Variants in NDST3 observed in about 807,000 individuals in gnomAD.
NDST3 encodes N-deacetylase and N-sulfotransferase 3.
Under a neutral mutation model 96.1 loss-of-function variants are expected in NDST3, and 58 were observed. The observed-to-expected ratio is 0.60, with a 90% CI of 0.49 to 0.75. The LOEUF is 0.75. Among genes scored for constraint, NDST3 ranks in the 30% least tolerant of loss-of-function variants. NDST3 has a pLI of 0.00. For synonymous variants in NDST3, 333 were observed against 359.7 expected (o/e 0.93, Z 0.84); for missense variants, 788 against 1,034.2 (o/e 0.76, Z 3.27).
At chr4:118,190,274 A>C (rs886894005) in intron 6 of NDST3, among the ~76,000 whole-genome samples, 17 of 152,286 alleles carry the variant, frequency 1.1e-4, no homozygotes, top group African/African-American at 3.6e-4. Flanking sequence ...AAGATGGTTC[A>C]AGTTATTGTT....
intron 2 of NDST3, among the ~76,000 whole-genome samples, chr4:118,090,323 T>A (rs555211392): frequency 6.6e-6 from 1 of 152,092 alleles, no homozygotes; most frequent in Admixed American, 6.6e-5. Flanking sequence ...TAAAATTTGG[T>A]TCTGCTTTGG....
intron 10 of NDST3, among the ~76,000 whole-genome samples, chr4:118,239,540 T>A (rs1299854930): frequency 6.6e-6 from 1 of 152,124 alleles, no homozygotes; most frequent in Non-Finnish European, 1.5e-5. Flanking sequence ...CCACCAAGTA[T>A]CTGGAGAAAA....
intron 6 of NDST3, among the ~76,000 whole-genome samples, chr4:118,219,538 A>T (rs907425248): frequency 2.6e-5 from 4 of 152,168 alleles, no homozygotes; most frequent in Admixed American, 2.6e-4. Flanking sequence ...ACAAAACTAA[A>T]GATCGATTAA....
chr4:118,150,912 A>G (rs1190610677), intron 6 of NDST3, among the ~76,000 whole-genome samples: 1 of 151,974 alleles, frequency 6.6e-6, no homozygotes, highest in Non-Finnish European at 1.5e-5. Flanking sequence ...ACTATAAATC[A>G]TACTGCTATA....
chr4:118,238,167 GAAAGAAAGA>G, intron 10 of NDST3, among the ~76,000 whole-genome samples: 1 of 33,474 alleles, frequency 3.0e-5, no homozygotes, highest in Admixed American at 3.1e-4. Context: ...AAGAAAGAAA[GAAAGAAAGA>G]AAGAAAGAAA....
intron 1 of NDST3, among the ~76,000 whole-genome samples, chr4:118,050,126 C>T (rs995581001): frequency 6.6e-6 from 1 of 152,066 alleles, no homozygotes; most frequent in Non-Finnish European, 1.5e-5. Context: ...GAATTAAAAG[C>T]AAAGCCATAT....
upstream of NDST3, chr4:118,033,594 G>A (rs939025095): frequency 6.6e-6 from 1 of 151,956 alleles, no homozygotes; most frequent in African/African-American, 2.4e-5. Flanking sequence ...CTGGGAGGCG[G>A]CGGCTCCCGC....
chr4:118,224,955 A>G (rs916650135), intron 7 of NDST3, among the ~76,000 whole-genome samples: 6 of 152,184 alleles, frequency 3.9e-5, no homozygotes, highest in Non-Finnish European at 5.9e-5. Flanking sequence ...ATAAATCTAC[A>G]GGTTGCAATA....
intron 6 of NDST3, among the ~76,000 whole-genome samples, chr4:118,196,521 G>A (rs1478061866): frequency 6.6e-6 from 1 of 152,038 alleles, no homozygotes; most frequent in Non-Finnish European, 1.5e-5. Context: ...CTTCAATCAT[G>A]TTACTTGTTA....
chr4:118,108,465 G>A (rs1230159483), intron 3 of NDST3, among the ~76,000 whole-genome samples: 2 of 152,096 alleles, frequency 1.3e-5, no homozygotes, highest in African/African-American at 2.4e-5. Context: ...TTGATAATAT[G>A]AGCAAGAGTT....
intron 4 of NDST3, among the ~76,000 whole-genome samples, chr4:118,132,222 T>C (rs1732690366): frequency 6.6e-6 from 1 of 152,088 alleles, no homozygotes; most frequent in East Asian, 1.9e-4. Context: ...GTGAAAAACA[T>C]TAGAAATTTG....
chr4:118,109,437 T>A (rs796697941), intron 3 of NDST3, among the ~76,000 whole-genome samples: 1 of 152,174 alleles, frequency 6.6e-6, no homozygotes, highest in Non-Finnish European at 1.5e-5. Context: ...TACTGGGGAA[T>A]GATGCTAGCC....
chr4:118,075,942 G>C (rs901382104), intron 2 of NDST3, among the ~76,000 whole-genome samples: 3 of 152,104 alleles, frequency 2.0e-5, no homozygotes, highest in Non-Finnish European at 1.5e-5. Flanking sequence ...TGTTGCCATT[G>C]CTTTTTGTGT....
At chr4:118,221,875 A>G (rs1234994094) in intron 6 of NDST3, among the ~76,000 whole-genome samples, 5 of 151,856 alleles carry the variant, frequency 3.3e-5, no homozygotes. Context: ...AATTACTCAT[A>G]GTGTGTTTAT....
intron 6 of NDST3, among the ~76,000 whole-genome samples, chr4:118,178,344 G>T (rs2125946677): frequency 6.6e-6 from 1 of 151,926 alleles, no homozygotes. Flanking sequence ...TATTCCTCCT[G>T]CCCCGAATCC....
rs536062046 is a variant in NDST3 at position 118,164,428 on chromosome 4, C to T, written c.1539+20744C>T. On this transcript the variant is annotated intron_variant, in intron 6 of 13. Transcript: ENST00000296499. ...TACGTGGGTGATGAAATAATCTGTA[C>T]ATCTAACCGCTGTGACATGAGAGTA... Among the ~76,000 whole-genome samples, 17 of 152,244 alleles carry T rather than the reference C, an allele frequency of 1.1e-4. No individual in the cohort carries two copies. In the South Asian group the frequency reaches 1.5e-3, roughly 13 times the overall value.
At chr4:118,102,844 C>T (rs913695978) in intron 2 of NDST3, among the ~76,000 whole-genome samples, 2 of 152,050 alleles carry the variant, frequency 1.3e-5, no homozygotes, top group African/African-American at 4.8e-5. Flanking sequence ...AAATAATTTT[C>T]CCCTCTTTAC....
At chr4:118,041,443 A>T (rs1327006428) in intron 1 of NDST3, among the ~76,000 whole-genome samples, 2 of 152,194 alleles carry the variant, frequency 1.3e-5, no homozygotes, top group Non-Finnish European at 2.9e-5. Context: ...TTTATAACTG[A>T]TCCAACTTTG....
chr4:118,057,059 G>C (rs1415417162), intron 2 of NDST3, among the ~76,000 whole-genome samples: 2 of 151,888 alleles, frequency 1.3e-5, no homozygotes, highest in Admixed American at 1.3e-4. Flanking sequence ...GCAATTTCTT[G>C]AAACCAGGAA....
Sources: allele counts gnomAD v4.1 joint callset (sites outside exome capture counted in the v4.1 genomes callset), GRCh38; gene constraint gnomAD v4.1.1; transcripts MANE v1.5; gene names NCBI Gene and HGNC (gene_info 2026-07-23, HGNC 2026-07-21).